Variants in GRK5 observed in about 807,000 individuals in gnomAD.
GRK5 encodes g protein-coupled receptor kinase GRK5.
A neutral mutation model predicts 78.4 loss-of-function variants in GRK5; 40 were observed. That is an observed-to-expected ratio of 0.51 (90% CI 0.40 to 0.66). The LOEUF (loss-of-function observed/expected upper bound fraction) is 0.66, where lower values mean the gene tolerates loss of function less well. GRK5 is among the 30% of genes least tolerant of loss of function. The pLI, the probability that GRK5 is intolerant of heterozygous loss-of-function variation, is 0.00. For synonymous variants in GRK5, 289 were observed against 296.8 expected, an observed-to-expected ratio of 0.97 and a Z score of 0.27; for missense variants, 598 against 759.9, an observed-to-expected ratio of 0.79 and a Z score of 2.50.
chr10:119,253,121 T>A lies in GRK5; in HGVS notation c.52+45152T>A, dbSNP rs1849228571. 6.6e-6 allele frequency among the ~76,000 whole-genome samples: 1 copy of A among 152,150 alleles called. No individual in the cohort carries two copies. Among genetic ancestry groups the A allele is most frequent in the South Asian group, 2.1e-4 (1 of 4,828 alleles). ...CAACCCTGCTGTACTAATCTGCTGA[T>A]GAGGGAGAGTTGGTGGCTCAGTGGT... On this transcript the variant is annotated intron_variant, in intron 1 of 15. Transcript: ENST00000392870. The surrounding 1 kb of genome is among the most constrained non-coding windows in gnomAD (Gnocchi z 5.7).
At chr10:119,266,809 C>G (rs1849506174) in intron 1 of GRK5, among the ~76,000 whole-genome samples, 1 of 149,356 alleles carries the variant, frequency 6.7e-6, no homozygotes, top group Admixed American at 6.7e-5. Context: ...GGGTCTTGCT[C>G]TGTTGCCCAG....
At chr10:119,237,813 A>G (rs1197992913) in intron 1 of GRK5, among the ~76,000 whole-genome samples, 1 of 152,130 alleles carries the variant, frequency 6.6e-6, no homozygotes, top group Non-Finnish European at 1.5e-5. Flanking sequence ...AATGGAAGCA[A>G]GTGCGCTGGG....
intron 6 of GRK5, among the ~76,000 whole-genome samples, chr10:119,426,260 G>A (rs1160906809): frequency 2.6e-5 from 4 of 152,226 alleles, no homozygotes; most frequent in African/African-American, 4.8e-5. Context: ...TTGGCTCTGC[G>A]GCCATGGATG....
intron 3 of GRK5, among the ~76,000 whole-genome samples, chr10:119,383,877 T>C (rs1851751837): frequency 1.3e-5 from 2 of 152,184 alleles, no homozygotes; most frequent in Admixed American, 1.3e-4. Flanking sequence ...AGGCCACAGT[T>C]TGGCACAAGG....
At chr10:119,395,417 T>C (rs1350435256) in intron 3 of GRK5, among the ~76,000 whole-genome samples, 1 of 152,180 alleles carries the variant, frequency 6.6e-6, no homozygotes, top group Non-Finnish European at 1.5e-5. Context: ...GAAGTTTCCC[T>C]GAGGGCCGGC....
rs1167597310 is a variant in GRK5, at chr10:119,379,311, A to C, written c.149-1504A>C. 6.6e-6 allele frequency among the ~76,000 whole-genome samples: 1 copy of C among 152,176 alleles called. No homozygotes were observed. Among genetic ancestry groups the C allele is most frequent in the Non-Finnish European group, 1.5e-5 (1 of 68,046 alleles). On this transcript the variant is annotated intron_variant, in intron 2 of 15. Transcript: ENST00000392870. The surrounding 1 kb of genome is among the most constrained non-coding windows in gnomAD (Gnocchi z 4.1). Reference sequence around the variant, plus strand: ...GCCTGTTGCCCCAGGTTACACAGGCAGTGAGCGATGGGCTGGGATTCAAAC... The same window carrying C: ...GCCTGTTGCCCCAGGTTACACAGGCCGTGAGCGATGGGCTGGGATTCAAAC...
chr10:119,413,613 G>A (rs12256373), intron 4 of GRK5, among the ~76,000 whole-genome samples: 1,634 of 152,078 alleles, frequency 0.011, 32 homozygotes, highest in African/African-American at 0.038. Flanking sequence ...ACCTGGTGCC[G>A]TGCTGCATTC....
intron 6 of GRK5, among the ~76,000 whole-genome samples, chr10:119,427,961 T>C (rs79287146): frequency 5.6e-5 from 4 of 71,484 alleles, no homozygotes; most frequent in Non-Finnish European, 1.2e-4. Context: ...TCAGCCTCAC[T>C]GCCATCATCA....
At chr10:119,291,776 C>T (rs1437051430) in intron 1 of GRK5, among the ~76,000 whole-genome samples, 1 of 149,278 alleles carries the variant, frequency 6.7e-6, no homozygotes, top group East Asian at 2.0e-4. Flanking sequence ...TCCTCCTTAT[C>T]CTCATCCTCC....
chr10:119,254,867 C>T (rs1042189048), intron 1 of GRK5, among the ~76,000 whole-genome samples: 8 of 151,994 alleles, frequency 5.3e-5, no homozygotes, highest in African/African-American at 1.7e-4. Context: ...CCAGCCTGGC[C>T]AATGTGGTGA....
chr10:119,256,003 T>C (rs527832325), intron 1 of GRK5, among the ~76,000 whole-genome samples: 1 of 152,142 alleles, frequency 6.6e-6, no homozygotes, highest in Non-Finnish European at 1.5e-5. Flanking sequence ...AGTAAGTAAC[T>C]TGGATATGAC....
intron 4 of GRK5, among the ~76,000 whole-genome samples, chr10:119,417,952 T>C (rs1348283420): frequency 2.6e-5 from 4 of 152,176 alleles, no homozygotes; most frequent in Non-Finnish European, 5.9e-5. Flanking sequence ...ATCACAGATA[T>C]CAGGAACTGC....
chr10:119,254,995 C>T (rs549662081), intron 1 of GRK5, among the ~76,000 whole-genome samples: 11 of 146,222 alleles, frequency 7.5e-5, no homozygotes, highest in Non-Finnish European at 1.2e-4. Flanking sequence ...GCCGAGATTG[C>T]GCCATTGCAC....
chr10:119,411,842 CTTTTTTTTTTTT>C (rs10578557), intron 4 of GRK5, among the ~76,000 whole-genome samples: 8 of 95,972 alleles, frequency 8.3e-5, no homozygotes, highest in South Asian at 4.1e-4. Flanking sequence ...AGATCTGCTT[CTTTTTTTTTTTT>C]TTTTTTTTTT....
intron 1 of GRK5, among the ~76,000 whole-genome samples, chr10:119,221,104 C>T (rs951621494): frequency 7.3e-5 from 11 of 150,156 alleles, no homozygotes; most frequent in South Asian, 2.1e-4. Context: ...TGCAGTGAGC[C>T]GAGATCGTGC....
chr10:119,250,366 C>T (rs188930871), intron 1 of GRK5, among the ~76,000 whole-genome samples: 5 of 152,112 alleles, frequency 3.3e-5, no homozygotes, highest in East Asian at 3.9e-4. Flanking sequence ...GATAAGGCAA[C>T]GTCAGAGATA....
In GRK5 at chr10:119,267,933, A is replaced by G. The variant is rs919051500; in HGVS notation, c.53-58583A>G. On this transcript the variant is annotated intron_variant, in intron 1 of 15. Transcript: ENST00000392870. The surrounding 1 kb of genome is among the most constrained non-coding windows in gnomAD (Gnocchi z 4.1). Reference sequence around the variant, plus strand: ...GAAATGGGGTCCCCTGAGGAGAAGGACAAAAGCAGACAATTCCTGAGGACA... The same window carrying G: ...GAAATGGGGTCCCCTGAGGAGAAGGGCAAAAGCAGACAATTCCTGAGGACA... 6.6e-6 allele frequency among the ~76,000 whole-genome samples: 1 copy of G among 152,166 alleles called. No homozygotes were observed.
chr10:119,314,418 TC>T (rs1850447852), intron 1 of GRK5, among the ~76,000 whole-genome samples: 1 of 152,104 alleles, frequency 6.6e-6, no homozygotes, highest in African/African-American at 2.4e-5. Context: ...AAAGAGCCAG[TC>T]CCCACCAAGT....
intron 1 of GRK5, among the ~76,000 whole-genome samples, chr10:119,235,430 T>TATGTAA (rs1450263431): frequency 6.6e-6 from 1 of 152,196 alleles, no homozygotes; most frequent in East Asian, 1.9e-4. Context: ...CCATCAAGTC[T>TATGTAA]ATGTAAATGA....
Sources: gnomAD v4.1 joint callset for allele counts (sites outside exome capture counted in the v4.1 genomes callset) on GRCh38, gnomAD v4.1.1 for gene constraint, Gnocchi (gnomAD v3.1) non-coding constraint, MANE v1.5 for transcripts, NCBI Gene and HGNC (gene_info 2026-07-23, HGNC 2026-07-21) for gene names.